Variants in CACNG1 observed in about 807,000 individuals in gnomAD.
CACNG1 encodes the protein calcium voltage-gated channel auxiliary subunit gamma 1.
In CACNG1, 21 loss-of-function variants were observed where a neutral mutation model predicts 22.0. That is an observed-to-expected ratio of 0.95 (90% confidence interval 0.68 to 1.37). The LOEUF is 1.37. Ranked by LOEUF, CACNG1 falls within the 40% of genes most tolerant of loss-of-function variation. CACNG1 has a pLI of 0.00. For synonymous variants in CACNG1, 127 were observed against 129.2 expected, an observed-to-expected ratio of 0.98 and a Z score of 0.12; for missense variants, 291 against 308.6, an observed-to-expected ratio of 0.94 and a Z score of 0.43.
chr17:67,049,862 T>C (rs1483179749), intron 1 of CACNG1, among the ~76,000 whole-genome samples: 1 of 152,194 alleles, frequency 6.6e-6, no homozygotes. Context: ...CCACTTAGTC[T>C]TAAAATGTTG....
intron 1 of CACNG1, among the ~76,000 whole-genome samples, chr17:67,046,184 A>G (rs1272213636): frequency 6.6e-6 from 1 of 152,196 alleles, no homozygotes; most frequent in Non-Finnish European, 1.5e-5. Context: ...TCTATAAAAT[A>G]TGGGACTGAC....
At chr17:67,045,923 G>A (rs1011829808) in intron 1 of CACNG1, among the ~76,000 whole-genome samples, 13 of 152,192 alleles carry the variant, frequency 8.5e-5, no homozygotes, top group East Asian at 1.9e-4. Flanking sequence ...TAATTTAAGC[G>A]TATTCCTCGA....
chr17:67,055,277 G>A lies in CACNG1; in HGVS notation c.442+37G>A. 1.3e-6 allele frequency: 2 copies of A among 1,594,724 alleles called. No individual in the cohort carries two copies. The highest frequency in any genetic ancestry group is 1.7e-6 in the Non-Finnish European group (2 of 1,167,240). On this transcript the variant is annotated intron_variant, in intron 3 of 3. Coordinates refer to ENST00000226021, the MANE Select transcript of CACNG1 (RefSeq NM_000727.4). This position sits in a 1 kb window ranked among gnomAD's most constrained non-coding sequence, Gnocchi z 4.5. ...GATCTGCCTGAGCGCCGGGGCCGGG[G>A]GACCATGTCGCGGGGGATTCTCCGC...
At chr17:67,050,654 C>A (rs868620185) in intron 1 of CACNG1, among the ~76,000 whole-genome samples, 8 of 152,176 alleles carry the variant, frequency 5.3e-5, no homozygotes, top group African/African-American at 1.9e-4. Flanking sequence ...TTCCAACTAT[C>A]AAAGAAAGAT....
chr17:67,055,244 G>T lies in CACNG1; in HGVS notation c.442+4G>T. 6.2e-7 allele frequency: 1 copy of T among 1,610,796 alleles called. No individual in the cohort carries two copies. Among genetic ancestry groups the T allele is most frequent in the South Asian group, 1.1e-5 (1 of 90,856 alleles). On this transcript the variant is annotated splice_donor_region_variant and intron_variant, in intron 3 of 3. Coordinates refer to ENST00000226021, the MANE Select transcript of CACNG1 (RefSeq NM_000727.4). This position sits in a 1 kb window ranked among gnomAD's most constrained non-coding sequence, Gnocchi z 4.5. ...TCCATGTTCTATGCCTTTGCAGGTA[G>T]ACTGGGGGATCTGCCTGAGCGCCGG...
At chr17:67,052,696 C>T (rs907489371) in intron 1 of CACNG1, among the ~76,000 whole-genome samples, 3 of 151,676 alleles carry the variant, frequency 2.0e-5, no homozygotes, top group Non-Finnish European at 2.9e-5. Flanking sequence ...TGGAAGGAAA[C>T]ATAATATAAA....
rs1460266300 is a variant in CACNG1, at chr17:67,048,325, AC to A, written c.229+3437del. Among the ~76,000 whole-genome samples the A allele has an allele frequency of 4.0e-3, 165 of 41,158 alleles. 2 individuals are homozygous for A. Among genetic ancestry groups the A allele is most frequent in the African/African-American group, 0.019 (147 of 7,754 alleles). The allele number at this position is 41,158 out of a possible 152,430, so 27.0% of individuals were successfully genotyped here. A position where few individuals can be genotyped will look rare whatever the true frequency, so the allele number is the denominator to read the frequency against. On this transcript the variant is annotated intron_variant, in intron 1 of 3. Coordinates refer to ENST00000226021, the MANE Select transcript of CACNG1 (RefSeq NM_000727.4). ...GTCCCTACCAAAAAAAAAAAAAAAA[AC>A]AAAAAAAAAACCCCACAAAATATCC...
intron 1 of CACNG1, among the ~76,000 whole-genome samples, chr17:67,047,554 G>C (rs2035704235): frequency 1.3e-5 from 2 of 152,304 alleles, no homozygotes; most frequent in South Asian, 4.1e-4. Context: ...TATTTGACCT[G>C]TCTGGTGATT....
intron 1 of CACNG1, among the ~76,000 whole-genome samples, chr17:67,052,299 G>C (rs2035732437): frequency 6.6e-6 from 1 of 152,158 alleles, no homozygotes; most frequent in South Asian, 2.1e-4. Context: ...GCCAGGAATG[G>C]GTACTGCTGC....
chr17:67,046,564 G>T (rs1193164884), intron 1 of CACNG1, among the ~76,000 whole-genome samples: 1 of 152,200 alleles, frequency 6.6e-6, no homozygotes, highest in African/African-American at 2.4e-5. Context: ...GTGGCCATGT[G>T]CTTGCAGGGT....
chr17:67,055,099 G>T lies in CACNG1; in HGVS notation c.305-4G>T. On this transcript the variant is annotated splice_region_variant and splice_polypyrimidine_tract_variant and intron_variant, in intron 2 of 3. Coordinates refer to ENST00000226021, the MANE Select transcript of CACNG1 (RefSeq NM_000727.4). This position sits in a 1 kb window ranked among gnomAD's most constrained non-coding sequence, Gnocchi z 4.5. Reference sequence around the variant, plus strand: ...CGCATGCTGGGTGTCCCTTGTGTTTGCAGAGTACAGCATCTCGGCAGCCGC... The same window carrying T: ...CGCATGCTGGGTGTCCCTTGTGTTTTCAGAGTACAGCATCTCGGCAGCCGC... The T allele has an allele frequency of 6.2e-7, 1 of 1,612,678 alleles. No homozygotes were observed.
Position 67,054,200 on chromosome 17 carries a change from T to C in CACNG1, c.304+130T>C. 1.4e-6 allele frequency: 1 copy of C among 733,366 alleles called. No individual in the cohort carries two copies. The highest frequency in any genetic ancestry group is 2.4e-6 in the Non-Finnish European group (1 of 423,324). 45.4% of individuals were successfully genotyped at this position (733,366 alleles called of 1,614,324 possible). A position where few individuals can be genotyped will look rare whatever the true frequency, so the allele number is the denominator to read the frequency against. On this transcript the variant is annotated intron_variant, in intron 2 of 3. Transcript: ENST00000226021. This position sits in a 1 kb window ranked among gnomAD's most constrained non-coding sequence, Gnocchi z 4.6. ...GATGAGAAGAAGCCTGTGGTGCATT[T>C]GAACAACAGCCTTGTCAGCTCCCCG... is the stretch of plus-strand genomic sequence containing the variant.
At chr17:67,050,135 T>G (rs535701518) in intron 1 of CACNG1, among the ~76,000 whole-genome samples, 1 of 152,238 alleles carries the variant, frequency 6.6e-6, no homozygotes, top group Non-Finnish European at 1.5e-5. Flanking sequence ...AGGAGGCAGG[T>G]TGCCCCAGGG....
At chr17:67,048,326 CA>C (rs80024812) in intron 1 of CACNG1, among the ~76,000 whole-genome samples, 83,278 of 132,888 alleles carry the variant, frequency 0.63, 25,713 homozygotes, top group East Asian at 0.87. Flanking sequence ...AAAAAAAAAA[CA>C]AAAAAAAAAC....
chr17:67,049,299 C>T (rs1032429922), intron 1 of CACNG1, among the ~76,000 whole-genome samples: 2 of 152,124 alleles, frequency 1.3e-5, no homozygotes, highest in African/African-American at 4.8e-5. Context: ...CAGAAACCTC[C>T]GTGAAGGCCA....
At chr17:67,045,084 G>T (rs975847358) in intron 1 of CACNG1, among the ~76,000 whole-genome samples, 195 bp downstream of exon 1, 5 of 152,244 alleles carry the variant, frequency 3.3e-5, no homozygotes, top group African/African-American at 1.2e-4. Flanking sequence ...TAAGACGAGG[G>T]CGTTTGTCCC....
At position 67,056,363 on chromosome 17, in the gene CACNG1, A is replaced by G; in HGVS notation, c.*92A>G. ...CCAGAGAGGAGGCGGGAGCAATTTT[A>G]GCCCCACCCTGCTCCCATCTGCCCC... On this transcript the variant is annotated 3_prime_UTR_variant, in exon 4 of 4. Coordinates refer to ENST00000226021, the MANE Select transcript of CACNG1 (RefSeq NM_000727.4). This position sits in a 1 kb window ranked among gnomAD's most constrained non-coding sequence, Gnocchi z 4.3. The G allele has an allele frequency of 1.8e-6, 2 of 1,113,090 alleles. No individual in the cohort carries two copies. Among genetic ancestry groups the G allele is most frequent in the Non-Finnish European group, 2.7e-6 (2 of 753,642 alleles). The allele number at this position is 1,113,090 out of a possible 1,614,324, so 69.0% of individuals were successfully genotyped here. A position where few individuals can be genotyped will look rare whatever the true frequency, so the allele number is the denominator to read the frequency against.
intron 1 of CACNG1, among the ~76,000 whole-genome samples, chr17:67,051,381 A>G (rs2035727357): frequency 6.6e-6 from 1 of 152,124 alleles, no homozygotes; most frequent in Non-Finnish European, 1.5e-5. Context: ...GGGCCATTAG[A>G]GACCATGAAA....
Position 67,054,828 on chromosome 17 carries a change from A to AGACACACACT in CACNG1, c.305-265_305-256dup, listed in dbSNP as rs1193806655. 2.0e-5 allele frequency among the ~76,000 whole-genome samples: 3 copies of AGACACACACT among 151,914 alleles called. No individual in the cohort carries two copies. Among genetic ancestry groups the AGACACACACT allele is most frequent in the Non-Finnish European group, 4.4e-5 (3 of 67,944 alleles). On this transcript the variant is annotated intron_variant, in intron 2 of 3. Coordinates refer to ENST00000226021, the MANE Select transcript of CACNG1 (RefSeq NM_000727.4). This position sits in a 1 kb window ranked among gnomAD's most constrained non-coding sequence, Gnocchi z 4.6. ...CACACGTACAATGACACAGACACAG[A>AGACACACACT]GACACACACTGACACACACGTACAA...
Sources: gnomAD v4.1 joint callset for allele counts (sites outside exome capture counted in the v4.1 genomes callset) on GRCh38, gnomAD v4.1.1 for gene constraint, Gnocchi (gnomAD v3.1) non-coding constraint, MANE v1.5 for transcripts, NCBI Gene and HGNC (gene_info 2026-07-23, HGNC 2026-07-21) for gene names.